KIAA1191: variants seen among roughly 807,000 people sequenced by gnomAD.
KIAA1191 encodes putative monooxygenase p33MONOX.
In KIAA1191, 22 loss-of-function variants were observed where a neutral mutation model predicts 31.1. That is an observed-to-expected ratio of 0.71 (90% confidence interval 0.51 to 1.01). The LOEUF (loss-of-function observed/expected upper bound fraction) is 1.01. Ranked by LOEUF, KIAA1191 falls within the 50% of genes least tolerant of loss-of-function variation. The pLI, the probability that KIAA1191 is intolerant of heterozygous loss-of-function variation, is 0.00. For synonymous variants in KIAA1191, 130 were observed against 143.9 expected (o/e 0.90, Z 0.69); for missense variants, 319 against 388.0 (o/e 0.82, Z 1.49).
intron 3 of KIAA1191, among the ~76,000 whole-genome samples, chr5:176,356,968 C>T (rs564344256): frequency 1.1e-4 from 16 of 152,132 alleles, no homozygotes; most frequent in African/African-American, 3.4e-4. Context: ...AGTGAGGATA[C>T]GACTGCTAAT....
Position 176,348,340 on chromosome 5 carries a change from C to T in KIAA1191, c.476G>A (p.Ser159Asn), listed in dbSNP as rs140675968. 2.5e-5 allele frequency: 41 copies of T among 1,613,322 alleles called. No individual in the cohort carries two copies. The highest frequency in any genetic ancestry group is 3.4e-5 in the Non-Finnish European group (40 of 1,179,798). Residue 159 changes from serine (S) to asparagine (N), a missense_variant, in exon 7 of 9, where the codon AGT (serine) becomes AAT (asparagine). Coordinates refer to ENST00000298569, the MANE Select transcript of KIAA1191 (RefSeq NM_020444.5). ...AEALHKLKLQ[S>N]GEVTKEERQP... ...CCTCTCTTCTTTTGTTACCTCTCCA[C>T]TCTGTAACTTTAGTTTCTGCTCAGA... is the stretch of plus-strand genomic sequence containing the variant.
At chr5:176,352,956 A>AT (rs1288314934) in intron 4 of KIAA1191, among the ~76,000 whole-genome samples, 3 of 152,208 alleles carry the variant, frequency 2.0e-5, no homozygotes, top group African/African-American at 7.2e-5. Context: ...AATAGTTTAC[A>AT]TTTATAAAGG....
chr5:176,348,423 G>T, intron 6 of KIAA1191, 67 bp from the exon 7 acceptor site: 1 of 1,266,860 alleles, frequency 7.9e-7, no homozygotes, highest in Non-Finnish European at 1.1e-6. Context: ...ATAAGTCTAG[G>T]CATAAAAAAT....
At chr5:176,357,025 G>A (rs1767562032) in intron 3 of KIAA1191, among the ~76,000 whole-genome samples, 1 of 152,194 alleles carries the variant, frequency 6.6e-6, no homozygotes, top group African/African-American at 2.4e-5. Flanking sequence ...CTGCAGTTTG[G>A]ATGGGTGTGG....
At chr5:176,359,196 G>A (rs192152331) in intron 3 of KIAA1191, among the ~76,000 whole-genome samples, 7 of 151,580 alleles carry the variant, frequency 4.6e-5, no homozygotes, top group Non-Finnish European at 1.0e-4. Context: ...GCGGGCACCT[G>A]TAATCCCAGC....
intron 7 of KIAA1191, 72 bp downstream of exon 7, chr5:176,348,178 A>G: frequency 1.3e-6 from 2 of 1,597,664 alleles, no homozygotes; most frequent in Non-Finnish European, 1.7e-6. Flanking sequence ...ACAGGCTTAA[A>G]TACAACCTCA....
intron 4 of KIAA1191, 98 bp from the exon 5 acceptor site, chr5:176,352,846 TAATCTGGTAAGTGAGGA>T (rs2113481753): frequency 7.7e-7 from 1 of 1,293,812 alleles, no homozygotes; most frequent in Admixed American, 2.7e-5. Flanking sequence ...GAAATAACAT[TAATCTGGTAAGTGAGGA>T]AATCATTGAA....
chr5:176,358,782 A>C (rs1352280731), intron 3 of KIAA1191, among the ~76,000 whole-genome samples: 2 of 152,004 alleles, frequency 1.3e-5, no homozygotes, highest in Non-Finnish European at 2.9e-5. Flanking sequence ...CGAGGCAGGC[A>C]GATCACAAGG....
At position 176,359,267 on chromosome 5, in the gene KIAA1191, C is replaced by T. The variant is rs537088334; in HGVS notation, c.28+214G>A. 3.5e-4 allele frequency among the ~76,000 whole-genome samples: 52 copies of T among 147,024 alleles called. No homozygotes were observed. The South Asian group carries it at 0.011, about 32-fold the overall frequency. On this transcript the variant is annotated intron_variant, in intron 3 of 8. Coordinates refer to ENST00000298569, the MANE Select transcript of KIAA1191 (RefSeq NM_020444.5). The stretch of plus-strand genomic sequence containing the variant: ...CCAGGAAGCGGAGGTAGCAGTGAGC[C>T]GAGATTGTGCCGCTGCACTCCAGCC...
chr5:176,352,037 GT>G (rs1009770613), intron 5 of KIAA1191, among the ~76,000 whole-genome samples: 2 of 150,822 alleles, frequency 1.3e-5, no homozygotes, highest in African/African-American at 4.9e-5. Context: ...TTGTTATAAG[GT>G]TAAAAAAAAA....
rs746984769 is a variant in KIAA1191, at chr5:176,355,655, C to T, written c.123G>A (p.Ala41=). 24 of 1,612,980 alleles carry T rather than the reference C, an allele frequency of 1.5e-5. No homozygotes were observed. In the East Asian group the frequency reaches 1.8e-4, roughly 12 times the overall value. The change falls in exon 4 of 9, where the codon GCG becomes GCA. Residue 41 remains alanine, a synonymous_variant. Transcript: ENST00000298569. This position sits in a 1 kb window ranked among gnomAD's most constrained non-coding sequence, Gnocchi z 4.2. ...VSYDDTLEDP[A]PMTPPPSDMG... Reference sequence around the variant, plus strand: ...TGTCCGATGGAGGAGGAGTCATGGGCGCAGGGTCCTCGAGGGTATCATCAT... The same window carrying T: ...TGTCCGATGGAGGAGGAGTCATGGGTGCAGGGTCCTCGAGGGTATCATCAT...
rs756492730 is a variant in KIAA1191 at position 176,355,622 on chromosome 5, G to A, written c.156C>T (p.Ser52=). The change falls in exon 4 of 9, where the codon AGC becomes AGT. Residue 52 remains serine (S), a synonymous_variant. Transcript: ENST00000298569. The surrounding 1 kb of genome is among the most constrained non-coding windows in gnomAD (Gnocchi z 4.2). Reference sequence around the variant, plus strand: ...CTGGAATCACTGGCTTCCAAGGGACGCTGCCCATGTCCGATGGAGGAGGAG... The same window carrying A: ...CTGGAATCACTGGCTTCCAAGGGACACTGCCCATGTCCGATGGAGGAGGAG... ...PMTPPPSDMG[S]VPWKPVIPER... 9 of 1,612,102 alleles carry A rather than the reference G, an allele frequency of 5.6e-6. No homozygotes were observed. The highest frequency in any genetic ancestry group is 1.3e-5 in the African/African-American group (1 of 74,860).
chr5:176,359,577 TAACAA>T lies in KIAA1191; in HGVS notation c.-59-15_-59-11del. 2 of 1,228,810 alleles carry T rather than the reference TAACAA, an allele frequency of 1.6e-6. No homozygotes were observed. Among genetic ancestry groups the T allele is most frequent in the Non-Finnish European group, 2.4e-6 (2 of 829,560 alleles). 76.1% of individuals were successfully genotyped at this position (1,228,810 alleles called of 1,614,324 possible). The stretch of plus-strand genomic sequence containing the variant: ...GCTGAGTCCCTGCCACCTAATAAAA[TAACAA>T]AGGGCATTTTCTTATGGTGAGCAGC... On this transcript the variant is annotated splice_polypyrimidine_tract_variant and intron_variant, in intron 2 of 8. Transcript: ENST00000298569.
chr5:176,358,381 G>A (rs2113511131), intron 3 of KIAA1191, among the ~76,000 whole-genome samples: 2 of 152,310 alleles, frequency 1.3e-5, no homozygotes, highest in East Asian at 1.9e-4. Flanking sequence ...TTAAGTTAAA[G>A]TTTCATACTA....
In KIAA1191 at chr5:176,359,578, A is replaced by G; in HGVS notation, c.-59-11T>C. The stretch of plus-strand genomic sequence containing the variant: ...CTGAGTCCCTGCCACCTAATAAAAT[A>G]ACAAAGGGCATTTTCTTATGGTGAG... On this transcript the variant is annotated splice_polypyrimidine_tract_variant and intron_variant, in intron 2 of 8. Coordinates refer to ENST00000298569, the MANE Select transcript of KIAA1191 (RefSeq NM_020444.5). 5 of 1,212,454 alleles carry G rather than the reference A, an allele frequency of 4.1e-6. No homozygotes were observed. The highest frequency in any genetic ancestry group is 4.9e-6 in the Non-Finnish European group (4 of 814,746). The allele number at this position is 1,212,454 out of a possible 1,614,324, so 75.1% of individuals were successfully genotyped here.
intron 1 of KIAA1191, among the ~76,000 whole-genome samples, chr5:176,360,491 C>G (rs1767904917): frequency 6.6e-6 from 1 of 150,642 alleles, no homozygotes; most frequent in Admixed American, 6.6e-5. Flanking sequence ...TACAGAAAGG[C>G]TATCCCAAAT....
chr5:176,350,519 C>A, intron 6 of KIAA1191, 94 bp downstream of exon 6: 1 of 1,483,964 alleles, frequency 6.7e-7, no homozygotes, highest in Non-Finnish European at 9.2e-7. Flanking sequence ...CTCCACAGCC[C>A]CCAACTAACT....
chr5:176,347,549 G>C lies in KIAA1191; in HGVS notation c.*51C>G. 7.4e-7 allele frequency: 1 copy of C among 1,348,972 alleles called. No homozygotes were observed. The highest frequency in any genetic ancestry group is 9.9e-7 in the Non-Finnish European group (1 of 1,006,426). The allele number at this position is 1,348,972 out of a possible 1,614,324, so 83.6% of individuals were successfully genotyped here. ...TCCTATGTCAAAGCCAAGGTAAAAG[G>C]GGAGTGGGATGCAAGAAACCACCTT... On this transcript the variant is annotated 3_prime_UTR_variant, in exon 9 of 9. Coordinates refer to ENST00000298569, the MANE Select transcript of KIAA1191 (RefSeq NM_020444.5).
Position 176,355,356 on chromosome 5 carries a change from A to C in KIAA1191, c.207+215T>G, listed in dbSNP as rs1048712802. On this transcript the variant is annotated intron_variant, in intron 4 of 8. Transcript: ENST00000298569. The surrounding 1 kb of genome is among the most constrained non-coding windows in gnomAD (Gnocchi z 4.2). ...TATACAATTCATCCATGCGAACAAC[A>C]CCTCGGGTAACCCTAAAGCTACTGA... Among the ~76,000 whole-genome samples the C allele has an allele frequency of 2.0e-5, 3 of 151,826 alleles. No homozygotes were observed. Among genetic ancestry groups the C allele is most frequent in the African/African-American group, 7.3e-5 (3 of 41,332 alleles).
Sources: allele counts gnomAD v4.1 joint callset (sites outside exome capture counted in the v4.1 genomes callset), GRCh38; gene constraint gnomAD v4.1.1; non-coding constraint Gnocchi (gnomAD v3.1); transcripts MANE v1.5; gene names NCBI Gene and HGNC (gene_info 2026-07-23, HGNC 2026-07-21).